The following NELL2 variants were observed in gnomAD, a reference collection of about 807,000 sequenced individuals.
NELL2 encodes the protein protein kinase C-binding protein NELL2.
In NELL2, 41 loss-of-function variants were observed where a neutral mutation model predicts 109.6. The observed-to-expected ratio is 0.37, with a 90% CI of 0.29 to 0.49. NELL2 has a LOEUF of 0.49. Ranked by LOEUF, NELL2 falls within the 20% of genes least tolerant of loss-of-function variation. The probability of loss-of-function intolerance (pLI) is 0.98; values close to 1 mark genes in which losing one functional copy is unlikely to be tolerated. For missense variants in NELL2, 900 were observed against 1,008.3 expected (o/e 0.89, Z 1.45); for synonymous variants, 355 against 344.7 (o/e 1.03, Z -0.33).
At chr12:44,767,672 T>C (rs35072965) in intron 9 of NELL2, among the ~76,000 whole-genome samples, 22,004 of 152,114 alleles carry the variant, frequency 0.14, 1,948 homozygotes, top group East Asian at 0.38. Flanking sequence ...ATAAACTATA[T>C]AGTGGGATAA....
At chr12:44,617,068 T>C (rs1945848078) in intron 13 of NELL2, among the ~76,000 whole-genome samples, 2 of 152,134 alleles carry the variant, frequency 1.3e-5, no homozygotes, top group Admixed American at 1.3e-4. Flanking sequence ...AAAAAAGTGG[T>C]ACTCCTTCCT....
At chr12:44,722,631 CAG>C (rs1486680430) in intron 9 of NELL2, among the ~76,000 whole-genome samples, 1 of 152,126 alleles carries the variant, frequency 6.6e-6, no homozygotes. Flanking sequence ...ATGCTTCACA[CAG>C]AGGAGTGTTT....
chr12:44,673,370 T>C (rs1034677207), intron 12 of NELL2, among the ~76,000 whole-genome samples: 1 of 152,192 alleles, frequency 6.6e-6, no homozygotes, highest in African/African-American at 2.4e-5. Flanking sequence ...TCACAATTCA[T>C]TTTCAATTCT....
intron 13 of NELL2, among the ~76,000 whole-genome samples, chr12:44,634,471 C>A (rs1946565431): frequency 1.3e-5 from 2 of 152,124 alleles, no homozygotes; most frequent in South Asian, 4.1e-4. Flanking sequence ...TGGTTTCCAA[C>A]TTCATCCATG....
At chr12:44,688,506 T>G (rs1043766413) in intron 12 of NELL2, among the ~76,000 whole-genome samples, 1 of 152,190 alleles carries the variant, frequency 6.6e-6, no homozygotes, top group Non-Finnish European at 1.5e-5. Flanking sequence ...CCTAACAACC[T>G]CATAAGAAAA....
At chr12:44,580,896 C>T (rs1944298999) in intron 15 of NELL2, among the ~76,000 whole-genome samples, 1 of 152,050 alleles carries the variant, frequency 6.6e-6, no homozygotes, top group Non-Finnish European at 1.5e-5. Context: ...GGATATAGAG[C>T]TTCAGTTTGA....
chr12:44,590,909 C>A (rs57064232), intron 15 of NELL2, among the ~76,000 whole-genome samples: 2,714 of 147,846 alleles, frequency 0.018, 48 homozygotes, highest in African/African-American at 0.056. Flanking sequence ...AAAAAAAAAA[C>A]CAACCTTGAC....
chr12:44,743,766 T>C (rs1204995331), intron 9 of NELL2, among the ~76,000 whole-genome samples: 3 of 152,184 alleles, frequency 2.0e-5, no homozygotes, highest in Non-Finnish European at 4.4e-5. Flanking sequence ...TAAATATATA[T>C]GCACCCAATA....
intron 2 of NELL2, among the ~76,000 whole-genome samples, chr12:44,865,526 A>C (rs1284658853): frequency 9.1e-6 from 1 of 109,902 alleles, no homozygotes; most frequent in Non-Finnish European, 1.9e-5. Flanking sequence ...ACATGGATGA[A>C]ATTGGAAACC....
chr12:44,644,609 T>C (rs1481669666), intron 13 of NELL2, among the ~76,000 whole-genome samples: 1 of 59,210 alleles, frequency 1.7e-5, no homozygotes, highest in Non-Finnish European at 3.0e-5. Flanking sequence ...TATATGTATG[T>C]ATATATATAT....
rs187525561 is a variant in NELL2, at chr12:44,689,009, T to C, written c.1318+14717A>G. Among the ~76,000 whole-genome samples, 278 of 152,324 alleles carry C rather than the reference T, an allele frequency of 1.8e-3. 2 individuals carry two copies. The highest frequency in any genetic ancestry group is 5.7e-3 in the African/African-American group (237 of 41,574). Reference sequence around the variant, plus strand: ...GTGGGCCAAACAAAACTCAAAGTCATACCAGAAATTCAATAATATTACAGG... The same window carrying C: ...GTGGGCCAAACAAAACTCAAAGTCACACCAGAAATTCAATAATATTACAGG... On this transcript the variant is annotated intron_variant, in intron 12 of 19. Coordinates refer to ENST00000429094, the MANE Select transcript of NELL2 (RefSeq NM_001145108.2).
chr12:44,598,402 A>G (rs1384277171), intron 15 of NELL2, among the ~76,000 whole-genome samples: 2 of 152,134 alleles, frequency 1.3e-5, no homozygotes, highest in African/African-American at 4.8e-5. Flanking sequence ...CCCCAGCTCC[A>G]TTCCTAGTAA....
At chr12:44,711,533 A>T in intron 10 of NELL2, 139 bp from the exon 11 acceptor site, 1 of 605,748 alleles carries the variant, frequency 1.7e-6, no homozygotes, top group Non-Finnish European at 2.9e-6. Flanking sequence ...TCATGGGCTC[A>T]CTCCCAAAAT....
intron 12 of NELL2, among the ~76,000 whole-genome samples, chr12:44,689,037 G>A (rs1948819332): frequency 6.6e-6 from 1 of 152,198 alleles, no homozygotes; most frequent in African/African-American, 2.4e-5. Context: ...ATTACAGGCT[G>A]TGGATACAAA....
chr12:44,913,572 T>G (rs1017304210), intron 1 of NELL2, among the ~76,000 whole-genome samples: 1 of 152,176 alleles, frequency 6.6e-6, no homozygotes, highest in Non-Finnish European at 1.5e-5. Flanking sequence ...CAAGGTAGGA[T>G]TCAGCATTAT....
At chr12:44,846,121 T>G (rs1332767516) in intron 2 of NELL2, among the ~76,000 whole-genome samples, 1 of 152,206 alleles carries the variant, frequency 6.6e-6, no homozygotes, top group Non-Finnish European at 1.5e-5. Flanking sequence ...GTTACTGACT[T>G]GGCCATGCAC....
rs763874448 is a variant in NELL2, at chr12:44,777,268, A to G, written c.653T>C (p.Ile218Thr). 5 of 1,613,830 alleles carry G rather than the reference A, an allele frequency of 3.1e-6. No individual in the cohort carries two copies. Residue 218 changes from isoleucine to threonine, a missense_variant, in exon 6 of 20, where the codon ATT (isoleucine) becomes ACT (threonine). Ile to Thr is a moderately conservative substitution (Grantham distance 89). Around this residue, in one of 4 missense-constraint regions of NELL2, gnomAD observed 75 missense variants for 118.9 expected, o/e 0.63. Transcript: ENST00000429094. ...VQLLVMPQGF[I>T]AQCPDLNRTC... is the part of the protein sequence containing the mutation. Reference sequence around the variant, plus strand: ...GCGATTAAGATCTGGGCACTGAGCAATAAATCCCTGGGGCATGACAAGTAA... The same window carrying G: ...GCGATTAAGATCTGGGCACTGAGCAGTAAATCCCTGGGGCATGACAAGTAA...
At chr12:44,838,374 C>T (rs993027706) in intron 2 of NELL2, among the ~76,000 whole-genome samples, 3 of 152,124 alleles carry the variant, frequency 2.0e-5, no homozygotes, top group Non-Finnish European at 4.4e-5. Context: ...TCCCTTGCCA[C>T]ACAAATTACC....
At chr12:44,825,039 G>A (rs1481448761) in intron 2 of NELL2, among the ~76,000 whole-genome samples, 1 of 152,124 alleles carries the variant, frequency 6.6e-6, no homozygotes, top group Non-Finnish European at 1.5e-5. Flanking sequence ...GTCAGGTAGT[G>A]TGATGCCTCC....
Sources: gnomAD v4.1 joint callset for allele counts (sites outside exome capture counted in the v4.1 genomes callset) on GRCh38, gnomAD v4.1.1 for gene constraint, gnomAD v4.1.1 regional missense constraint, MANE v1.5 for transcripts, NCBI Gene and HGNC (gene_info 2026-07-23, HGNC 2026-07-21) for gene names.